Variants in PLP1 observed in about 807,000 individuals in gnomAD.
The protein encoded by PLP1 is proteolipid protein 1, also known as myelin proteolipid protein.
PLP1 carries 2 observed loss-of-function variants against 18.5 expected under a neutral mutation model. The ratio of observed to expected loss-of-function variants is 0.11; its 90% CI spans 0.04 to 0.34. The LOEUF is 0.34. Among genes scored for constraint, PLP1 ranks in the 10% least tolerant of loss-of-function variants. The pLI is 1.00. For synonymous variants in PLP1, 86 were observed against 83.2 expected (o/e 1.03, Z -0.19); for missense variants, 105 against 207.3 (o/e 0.51, Z 3.03).
intron 6 of PLP1, 35 bp from the exon 7 acceptor site, chrX:103,790,492 A>G (rs1053130404): frequency 9.6e-7 from 1 of 1,044,604 alleles, no homozygotes; most frequent in Admixed American, 2.2e-5. Context: ...TTTCTTTTCT[A>G]CTCTCATTCA....
chrX:103,792,228 A>G lies in PLP1; in HGVS notation c.*1630A>G, dbSNP rs1021822091. On this transcript the variant is annotated 3_prime_UTR_variant, in exon 7 of 7. Transcript: ENST00000621218. ...TTTCCCCCAAAGTGGTTTCAGCAAT[A>G]TTTAAGGAGATGTAAGAGCTTTACA... The G allele has an allele frequency of 3.6e-5, 4 of 111,957 alleles. No homozygotes were observed. The highest frequency in any genetic ancestry group is 1.3e-4 in the African/African-American group (4 of 30,802). 9.2% of individuals were successfully genotyped at this position (111,957 alleles called of 1,213,427 possible).
rs1468635224 is a variant in PLP1, at chrX:103,786,647, G to T, written c.374G>T (p.Gly125Val). ...ATVTGGQKGR[G>V]SRGQHQAHSL... is the part of the protein sequence containing the mutation. Reference sequence around the variant, plus strand: ...GTAACAGGGGGCCAGAAGGGGAGGGGTTCCAGAGGCCAACATCAAGCTCAT... The same window carrying T: ...GTAACAGGGGGCCAGAAGGGGAGGGTTTCCAGAGGCCAACATCAAGCTCAT... Residue 125 changes from glycine to valine, a missense_variant, in exon 3 of 7, where the codon GGT becomes GTT. Gly to Val is a moderately radical substitution (Grantham distance 109, BLOSUM62 -3). Coordinates refer to ENST00000621218, the MANE Select transcript of PLP1 (RefSeq NM_000533.5). 2 of 1,210,996 alleles carry T rather than the reference G, an allele frequency of 1.7e-6. No homozygotes were observed. Among genetic ancestry groups the T allele is most frequent in the South Asian group, 3.5e-5 (2 of 56,962 alleles).
At chrX:103,783,380 T>C (rs1317474027) in intron 1 of PLP1, among the ~76,000 whole-genome samples, 1 of 112,719 alleles carries the variant, frequency 8.9e-6, no homozygotes, top group Non-Finnish European at 1.9e-5. Context: ...CCAAGTTTCC[T>C]GGCAGCAATG....
chrX:103,790,250 ACT>A (rs1270977911), intron 6 of PLP1, among the ~76,000 whole-genome samples: 3 of 112,135 alleles, frequency 2.7e-5, no homozygotes, highest in African/African-American at 9.7e-5. Flanking sequence ...CCTGAGGAAA[ACT>A]CAGTGCTAGA....
chrX:103,781,304 C>G (rs757612236), intron 1 of PLP1: 15 of 325,351 alleles, frequency 4.6e-5, no homozygotes, highest in Admixed American at 1.6e-4. Context: ...GAACCTGGAT[C>G]TGTGTAAGTC....
rs1217744054 is a variant in PLP1 at position 103,786,374 on chromosome X, G to A, written c.192-91G>A. 22 of 1,067,337 alleles carry A rather than the reference G, an allele frequency of 2.1e-5. No individual in the cohort carries two copies. In the East Asian group the frequency reaches 5.1e-4, roughly 25 times the overall value. The allele number at this position is 1,067,337 out of a possible 1,213,427, so 88.0% of individuals were successfully genotyped here. ...AATCCCTAGCCTTGTTAAGGTGCTC[G>A]CTCTGGTGTATACCTCACTTATGTC... On this transcript the variant is annotated intron_variant, in intron 2 of 6. Transcript: ENST00000621218.
At chrX:103,789,454 C>T (rs2074526644) in intron 6 of PLP1, 56 bp downstream of exon 6, 3 of 906,967 alleles carry the variant, frequency 3.3e-6, no homozygotes, top group South Asian at 3.9e-5. Flanking sequence ...AGTGTGGGTA[C>T]AGCTATTCTG....
intron 1 of PLP1, chrX:103,781,284 G>C (rs768511490): frequency 1.5e-5 from 5 of 327,395 alleles, no homozygotes; most frequent in South Asian, 1.3e-4. Context: ...GATCAACACA[G>C]TCCCTTGATG....
chrX:103,776,802 C>T (rs192952647), upstream of PLP1: 164 of 460,364 alleles, frequency 3.6e-4, no homozygotes, highest in South Asian at 4.2e-3. Context: ...GAAAGCAGGC[C>T]TGTCCCTTTA....
intron 1 of PLP1, among the ~76,000 whole-genome samples, chrX:103,777,962 A>G (rs763205905): frequency 4.0e-4 from 45 of 112,665 alleles, no homozygotes; most frequent in Admixed American, 1.6e-3. Flanking sequence ...GACAACATCC[A>G]CAGAGATCAA....
chrX:103,776,674 C>T (rs910634846), upstream of PLP1: 6 of 289,649 alleles, frequency 2.1e-5, no homozygotes, highest in African/African-American at 1.4e-4. Flanking sequence ...AAAGGAAAAA[C>T]AAAGAAAATG....
At position 103,791,421 on chromosome X, in the gene PLP1, G is replaced by A. The variant is rs2074544700; in HGVS notation, c.*823G>A. 2 of 112,556 alleles carry A rather than the reference G, an allele frequency of 1.8e-5. No homozygotes were observed. Among genetic ancestry groups the A allele is most frequent in the African/African-American group, 6.5e-5 (2 of 30,830 alleles). The allele number at this position is 112,556 out of a possible 1,213,427, so 9.3% of individuals were successfully genotyped here. On this transcript the variant is annotated 3_prime_UTR_variant, in exon 7 of 7. Coordinates refer to ENST00000621218, the MANE Select transcript of PLP1 (RefSeq NM_000533.5). ...AGGAGCTGAGAATAGAAGGAAACTA[G>A]CTTACATGAGAACAGACTGGCCTGA...
In PLP1 at chrX:103,791,132, C is replaced by T. The variant is rs1327939285; in HGVS notation, c.*534C>T. The T allele has an allele frequency of 8.4e-6, 1 of 119,674 alleles. No homozygotes were observed. Among genetic ancestry groups the T allele is most frequent in the African/African-American group, 3.2e-5 (1 of 30,882 alleles). The allele number at this position is 119,674 out of a possible 1,213,427, so 9.9% of individuals were successfully genotyped here. On this transcript the variant is annotated 3_prime_UTR_variant, in exon 7 of 7. Coordinates refer to ENST00000621218, the MANE Select transcript of PLP1 (RefSeq NM_000533.5). ...CAGAAAAACAATAAGAGCGTTTGCC[C>T]AAATCTGCCTATTGCAGCTGGGAGA...
In PLP1 at chrX:103,792,395, G is replaced by C. The variant is rs1338735410; in HGVS notation, c.*1797G>C. Reference sequence around the variant, plus strand: ...TAATCCGTACCTTGTGTTTTGTTTTGATTTAATAACATAACAAATAACCAA... The same window carrying C: ...TAATCCGTACCTTGTGTTTTGTTTTCATTTAATAACATAACAAATAACCAA... On this transcript the variant is annotated 3_prime_UTR_variant, in exon 7 of 7. Coordinates refer to ENST00000621218, the MANE Select transcript of PLP1 (RefSeq NM_000533.5). 3 of 112,224 alleles carry C rather than the reference G, an allele frequency of 2.7e-5. No homozygotes were observed. The highest frequency in any genetic ancestry group is 6.5e-5 in the African/African-American group (2 of 30,806). The allele number at this position is 112,224 out of a possible 1,213,427, so 9.2% of individuals were successfully genotyped here.
chrX:103,785,898 C>A, intron 2 of PLP1, 130 bp downstream of exon 2: 1 of 742,161 alleles, frequency 1.3e-6, no homozygotes, highest in Non-Finnish European at 2.1e-6. Context: ...CCCGAGTCTT[C>A]CCTCTGTGCA....
intron 1 of PLP1, among the ~76,000 whole-genome samples, chrX:103,779,672 C>A (rs1469569313): frequency 8.9e-6 from 1 of 111,852 alleles, no homozygotes; most frequent in Admixed American, 9.5e-5. Flanking sequence ...GCTAGGAAAG[C>A]CAGAAGTTTA....
At position 103,786,734 on chromosome X, in the gene PLP1, T is replaced by A. The variant is rs1451785682; in HGVS notation, c.453+8T>A. On this transcript the variant is annotated splice_region_variant and intron_variant, in intron 3 of 6. Transcript: ENST00000621218. ...CTAGGACATCCCGACAAGGTGATCA[T>A]CCTCAGGATTTTGTGGCAATAACAA... 8.3e-7 allele frequency: 1 copy of A among 1,210,589 alleles called. No homozygotes were observed. The highest frequency in any genetic ancestry group is 1.8e-5 in the South Asian group (1 of 56,928).
Position 103,792,148 on chromosome X carries a change from A to C in PLP1, c.*1550A>C, listed in dbSNP as rs1399950047. ...AAAAAAAAAAGTCTGATTGGTTTTA[A>C]TTGAAGGAAAGATTTGTACTACAGT... On this transcript the variant is annotated 3_prime_UTR_variant, in exon 7 of 7. Transcript: ENST00000621218. 2.7e-5 allele frequency: 3 copies of C among 111,150 alleles called. No individual in the cohort carries two copies. Among genetic ancestry groups the C allele is most frequent in the Admixed American group, 9.6e-5 (1 of 10,455 alleles). The allele number at this position is 111,150 out of a possible 1,213,427, so 9.2% of individuals were successfully genotyped here.
Position 103,776,962 on chromosome X carries a change from A to T in PLP1, c.-34A>T, listed in dbSNP as rs760039534. ...AAGTCAGCCACAAAGCAGACTAGCC[A>T]GCCGGCTACAATTGGAGTCAGAGTC... On this transcript the variant is annotated 5_prime_UTR_variant, in exon 1 of 7. Coordinates refer to ENST00000621218, the MANE Select transcript of PLP1 (RefSeq NM_000533.5). 8.4e-7 allele frequency: 1 copy of T among 1,189,596 alleles called. No homozygotes were observed.
Sources: allele counts gnomAD v4.1 joint callset (sites outside exome capture counted in the v4.1 genomes callset), GRCh38; gene constraint gnomAD v4.1.1; transcripts MANE v1.5; gene names NCBI Gene and HGNC (gene_info 2026-07-23, HGNC 2026-07-21).